The following TRIM2 variants were observed in gnomAD, a reference collection of about 807,000 sequenced individuals.
TRIM2 encodes the protein tripartite motif-containing protein 2.
TRIM2 carries 20 observed loss-of-function variants against 75.2 expected under a neutral mutation model. That is an observed-to-expected ratio of 0.27 (90% confidence interval 0.19 to 0.39). The LOEUF (loss-of-function observed/expected upper bound fraction) is 0.39, where lower values mean the gene tolerates loss of function less well. Among genes scored for constraint, TRIM2 ranks in the 10% least tolerant of loss-of-function variants. The probability of loss-of-function intolerance (pLI) is 1.00; values close to 1 mark genes in which losing one functional copy is unlikely to be tolerated. For missense variants in TRIM2, 660 were observed against 990.8 expected (o/e 0.67, Z 4.48); for synonymous variants, 373 against 388.3 (o/e 0.96, Z 0.46).
chr4:153,205,896 C>T (rs992787407), intron 1 of TRIM2, among the ~76,000 whole-genome samples: 1 of 152,166 alleles, frequency 6.6e-6, no homozygotes, highest in African/African-American at 2.4e-5. Flanking sequence ...CTAAGTGAGG[C>T]CAGGTTCTCC....
intron 1 of TRIM2, among the ~76,000 whole-genome samples, chr4:153,219,294 G>GA (rs1176624743): frequency 3.9e-5 from 6 of 152,074 alleles, no homozygotes; most frequent in African/African-American, 1.4e-4. Context: ...CGATCCGCCA[G>GA]AAAAAAACCT....
intron 1 of TRIM2, among the ~76,000 whole-genome samples, chr4:153,221,779 G>GCGC (rs776824156): frequency 0.17 from 20,431 of 118,754 alleles, 1,864 homozygotes; most frequent in Admixed American, 0.2. Context: ...AGGAAGGAAA[G>GCGC]AAGAAAAGGA....
intron 1 of TRIM2, among the ~76,000 whole-genome samples, chr4:153,250,532 A>C (rs1750613777): frequency 6.6e-6 from 1 of 152,364 alleles, no homozygotes; most frequent in East Asian, 1.9e-4. Flanking sequence ...CCTGAGTTCC[A>C]TAAGAATAAA....
chr4:153,250,309 G>T (rs571101132), intron 1 of TRIM2, among the ~76,000 whole-genome samples: 1 of 152,144 alleles, frequency 6.6e-6, no homozygotes, highest in African/African-American at 2.4e-5. Flanking sequence ...TAGTAGTGAC[G>T]GGGTTTTGCC....
chr4:153,169,054 GGAT>G (rs988628841), intron 1 of TRIM2, among the ~76,000 whole-genome samples: 2 of 151,304 alleles, frequency 1.3e-5, no homozygotes, highest in Non-Finnish European at 2.9e-5. Flanking sequence ...ACTCCCACCT[GGAT>G]GACAGAGCGA....
chr4:153,181,007 G>A (rs1732001937), intron 1 of TRIM2, among the ~76,000 whole-genome samples: 1 of 152,188 alleles, frequency 6.6e-6, no homozygotes, highest in African/African-American at 2.4e-5. Context: ...AGGGGTTGGT[G>A]AGCCCACCTT....
At chr4:153,301,546 A>T (rs1205962078) in intron 6 of TRIM2, among the ~76,000 whole-genome samples, 1 of 152,178 alleles carries the variant, frequency 6.6e-6, no homozygotes, top group Non-Finnish European at 1.5e-5. Flanking sequence ...TCACATTCAT[A>T]TTCAAAAAAT....
intron 8 of TRIM2, among the ~76,000 whole-genome samples, chr4:153,317,560 A>G (rs1342979091): frequency 1.3e-5 from 2 of 151,784 alleles, no homozygotes; most frequent in Non-Finnish European, 2.9e-5. Flanking sequence ...GAGACAGCAG[A>G]ATGGTGTGAA....
chr4:153,203,587 C>CAAA (rs397878558), upstream of TRIM2, among the ~76,000 whole-genome samples: 1 of 131,538 alleles, frequency 7.6e-6, no homozygotes, highest in Non-Finnish European at 1.7e-5. Flanking sequence ...GACTCTGTCT[C>CAAA]AAAAAAAAAA....
chr4:153,224,035 C>T (rs1741437532), intron 1 of TRIM2, among the ~76,000 whole-genome samples: 1 of 152,012 alleles, frequency 6.6e-6, no homozygotes, highest in Non-Finnish European at 1.5e-5. Flanking sequence ...GTTCCTTTCC[C>T]AGGGGGTGGG....
intron 1 of TRIM2, among the ~76,000 whole-genome samples, chr4:153,174,273 C>A (rs771072398): frequency 7.6e-4 from 116 of 151,752 alleles, no homozygotes; most frequent in Non-Finnish European, 1.3e-3. Flanking sequence ...AACGGTGGCC[C>A]CCCCTGAAAG....
In TRIM2 at chr4:153,167,405, T is replaced by C. The variant is rs552065639; in HGVS notation, c.-49+14135T>C. Reference sequence around the variant, plus strand: ...AAAAAGTCTCTAAACAAATAACCCATTGAAAAACATACCATGATTTGAGGA... The same window carrying C: ...AAAAAGTCTCTAAACAAATAACCCACTGAAAAACATACCATGATTTGAGGA... On this transcript the variant is annotated intron_variant, in intron 1 of 11. Coordinates refer to the TRIM2 transcript ENST00000437508. 3.9e-5 allele frequency among the ~76,000 whole-genome samples: 6 copies of C among 152,298 alleles called. No homozygotes were observed. The East Asian group carries it at 1.2e-3, about 29-fold the overall frequency.
At chr4:153,169,628 T>G (rs1730651313) in intron 1 of TRIM2, among the ~76,000 whole-genome samples, 1 of 152,224 alleles carries the variant, frequency 6.6e-6, no homozygotes, top group Non-Finnish European at 1.5e-5. Flanking sequence ...TATATGTATT[T>G]ATATGATGTT....
chr4:153,172,612 T>G (rs1731001980), intron 1 of TRIM2, among the ~76,000 whole-genome samples: 1 of 152,226 alleles, frequency 6.6e-6, no homozygotes, highest in African/African-American at 2.4e-5. Flanking sequence ...GTGTACTGAA[T>G]GCCCACTGTG....
chr4:153,323,020 A>G (rs973640049), intron 9 of TRIM2, among the ~76,000 whole-genome samples: 3 of 152,208 alleles, frequency 2.0e-5, no homozygotes, highest in Admixed American at 6.5e-5. Context: ...GTTGAGCTGC[A>G]GTCCTTGTGT....
chr4:153,217,341 C>G (rs755476788), intron 1 of TRIM2, among the ~76,000 whole-genome samples: 5 of 152,100 alleles, frequency 3.3e-5, no homozygotes, highest in Non-Finnish European at 4.4e-5. Flanking sequence ...AGAGGTCATT[C>G]TCATCCATGG....
In TRIM2 at chr4:153,308,716, T is replaced by A. The variant is rs941957314; in HGVS notation, c.1511-6769T>A. On this transcript the variant is annotated intron_variant, in intron 6 of 11. Coordinates refer to ENST00000338700, the MANE Select transcript of TRIM2 (RefSeq NM_015271.5). The stretch of plus-strand genomic sequence containing the variant: ...AAATGCACTTGGGAGTGTAGAGTGT[T>A]CACCCTCCAAGCTGAGCTTGCACAG... 5.4e-6 allele frequency: 3 copies of A among 554,154 alleles called. No individual in the cohort carries two copies. The African/African-American group carries it at 5.7e-5, about 11-fold the overall frequency. The allele number at this position is 554,154 out of a possible 1,614,324, so 34.3% of individuals were successfully genotyped here. A position where few individuals can be genotyped will look rare whatever the true frequency, so the allele number is the denominator to read the frequency against.
intron 10 of TRIM2, among the ~76,000 whole-genome samples, chr4:153,326,497 A>G (rs1278399780): frequency 6.6e-6 from 1 of 152,172 alleles, no homozygotes. Context: ...TTCTCTGTTG[A>G]TAAGTGTAAA....
At position 153,295,969 on chromosome 4, in the gene TRIM2, C is replaced by G. The variant is rs948266365; in HGVS notation, c.1443C>G (p.Pro481=). 6 of 1,568,150 alleles carry G rather than the reference C, an allele frequency of 3.8e-6. No individual in the cohort carries two copies. Among genetic ancestry groups the G allele is most frequent in the South Asian group, 3.7e-5 (3 of 81,984 alleles). ...TCAAGCAGAAAGCTGTGAAAAGACC[C>G]GCAAGCATGTACAGCACTGGAAAAC... ...GHVKQKAVKR[P]ASMYSTGKRK... Residue 481 remains proline (P), a synonymous_variant, in exon 6 of 12, where the codon CCC becomes CCG. Transcript: ENST00000338700. This position sits in a 1 kb window ranked among gnomAD's most constrained non-coding sequence, Gnocchi z 7.2.
Sources: allele counts gnomAD v4.1 joint callset (sites outside exome capture counted in the v4.1 genomes callset), GRCh38; gene constraint gnomAD v4.1.1; non-coding constraint Gnocchi (gnomAD v3.1); transcripts MANE v1.5; gene names NCBI Gene and HGNC (gene_info 2026-07-23, HGNC 2026-07-21).